The following C12orf56 variants were observed in gnomAD, a reference collection of about 807,000 sequenced individuals.
C12orf56 encodes uncharacterized protein C12orf56.
Under a neutral mutation model 69.9 loss-of-function variants are expected in C12orf56, and 71 were observed. The ratio of observed to expected loss-of-function variants is 1.02; its 90% CI spans 0.84 to 1.24. The LOEUF is 1.24. Among genes scored for constraint, C12orf56 ranks in the 50% most tolerant of loss-of-function variants. C12orf56 has a pLI of 0.00. For missense variants in C12orf56, 732 were observed against 738.5 expected (o/e 0.99, Z 0.10); for synonymous variants, 276 against 274.1 (o/e 1.01, Z -0.07).
intron 2 of C12orf56, among the ~76,000 whole-genome samples, chr12:64,348,364 A>C (rs1010513777): frequency 6.6e-6 from 1 of 152,214 alleles, no homozygotes; most frequent in Non-Finnish European, 1.5e-5. Context: ...CTCTTAAGGC[A>C]CTAATCTGCT....
At chr12:64,376,278 G>C (rs796115399) in intron 1 of C12orf56, among the ~76,000 whole-genome samples, 18 of 152,290 alleles carry the variant, frequency 1.2e-4, no homozygotes, top group African/African-American at 4.3e-4. Flanking sequence ...CAGGGAAAAT[G>C]CTTCCACAAC....
At chr12:64,308,826 G>C (rs1380919775) in intron 5 of C12orf56, among the ~76,000 whole-genome samples, 1 of 144,352 alleles carries the variant, frequency 6.9e-6, no homozygotes, top group Non-Finnish European at 1.5e-5. Context: ...TTGGGCAACA[G>C]AGCAAGACTC....
At chr12:64,347,835 G>A (rs1354427018) in intron 2 of C12orf56, among the ~76,000 whole-genome samples, 3 of 152,176 alleles carry the variant, frequency 2.0e-5, no homozygotes, top group African/African-American at 7.2e-5. Flanking sequence ...AAATGCAGAT[G>A]TCATCAAAAT....
chr12:64,308,921 AAAGAAAGAAAGAAAGAAAG>A (rs2038557880), intron 5 of C12orf56, among the ~76,000 whole-genome samples: 6 of 63,158 alleles, frequency 9.5e-5, no homozygotes, highest in East Asian at 5.8e-4. Context: ...AGAAAGAAAG[AAAGAAAGAAAGAAAGAAAG>A]AAGAAAGAAA....
chr12:64,385,314 CAT>C (rs778113443), intron 1 of C12orf56, among the ~76,000 whole-genome samples: 16 of 152,192 alleles, frequency 1.1e-4, no homozygotes, highest in Non-Finnish European at 1.9e-4. Flanking sequence ...TCAAAACAAA[CAT>C]GTGTAGACTC....
chr12:64,375,794 CATCTT>C (rs1157655795), intron 1 of C12orf56, among the ~76,000 whole-genome samples: 2 of 152,098 alleles, frequency 1.3e-5, no homozygotes, highest in Non-Finnish European at 1.5e-5. Context: ...TCTAAAGTGT[CATCTT>C]CTCTTATTTT....
In C12orf56 at chr12:64,265,605, C is replaced by G. The variant is rs2037913732; in HGVS notation, c.*1578G>C. On this transcript the variant is annotated 3_prime_UTR_variant, in exon 13 of 13. Coordinates refer to ENST00000543942, the MANE Select transcript of C12orf56 (RefSeq NM_001170633.2). ...TGGCCTGGAAAGGGGGCCTGACTTG[C>G]TTGAAGTCAAATAGCTGGTCATTTG... 1 of 152,208 alleles carries G rather than the reference C, an allele frequency of 6.6e-6. No homozygotes were observed. 9.4% of individuals were successfully genotyped at this position (152,208 alleles called of 1,614,324 possible). A position where few individuals can be genotyped will look rare whatever the true frequency, so the allele number is the denominator to read the frequency against.
chr12:64,378,734 C>T (rs2039673674), intron 1 of C12orf56, among the ~76,000 whole-genome samples: 1 of 152,048 alleles, frequency 6.6e-6, no homozygotes, highest in South Asian at 2.1e-4. Flanking sequence ...CACACCCAGC[C>T]CATATATTGG....
chr12:64,390,701 G>T lies in C12orf56; in HGVS notation c.-136C>A. ...CTCCTCTCCAGGCGCGGGGACCCGG[G>T]CCGCAACTGCAGGAATCGACGCTAG... On this transcript the variant is annotated 5_prime_UTR_variant, in exon 1 of 13. Coordinates refer to ENST00000543942, the MANE Select transcript of C12orf56 (RefSeq NM_001170633.2). The T allele has an allele frequency of 8.0e-7, 1 of 1,254,776 alleles. No individual in the cohort carries two copies. The highest frequency in any genetic ancestry group is 1.0e-6 in the Non-Finnish European group (1 of 967,860). The allele number at this position is 1,254,776 out of a possible 1,614,324, so 77.7% of individuals were successfully genotyped here. A position where few individuals can be genotyped will look rare whatever the true frequency, so the allele number is the denominator to read the frequency against.
At chr12:64,308,980 G>GAGAAAGAAAGA (rs2038569996) in intron 5 of C12orf56, among the ~76,000 whole-genome samples, 76 of 121,688 alleles carry the variant, frequency 6.2e-4, no homozygotes, top group African/African-American at 1.9e-3. Flanking sequence ...AGAAAAGAAA[G>GAGAAAGAAAGA]AAAGAAAAGA....
intron 1 of C12orf56, among the ~76,000 whole-genome samples, chr12:64,376,765 T>A (rs745640160): frequency 2.0e-5 from 3 of 152,222 alleles, no homozygotes; most frequent in Non-Finnish European, 2.9e-5. Flanking sequence ...TCCAGCTCCA[T>A]CCATGTCTCT....
chr12:64,375,700 T>G (rs550742690), intron 1 of C12orf56, among the ~76,000 whole-genome samples: 2 of 152,336 alleles, frequency 1.3e-5, no homozygotes, highest in Non-Finnish European at 2.9e-5. Context: ...CTATGGTCAT[T>G]CAGCATCTGA....
intron 6 of C12orf56, among the ~76,000 whole-genome samples, chr12:64,297,853 C>T (rs1361735478): frequency 6.6e-6 from 1 of 152,178 alleles, no homozygotes; most frequent in African/African-American, 2.4e-5. Context: ...CATACATGTG[C>T]ATGTGTCTTT....
chr12:64,356,670 G>T (rs2039322184), intron 1 of C12orf56, among the ~76,000 whole-genome samples: 1 of 152,204 alleles, frequency 6.6e-6, no homozygotes, highest in Non-Finnish European at 1.5e-5. Flanking sequence ...GGTCAAAGCA[G>T]GTGACCAGGG....
At chr12:64,294,127 A>G (rs1283524946) in intron 6 of C12orf56, among the ~76,000 whole-genome samples, 1 of 152,198 alleles carries the variant, frequency 6.6e-6, no homozygotes, top group East Asian at 1.9e-4. Flanking sequence ...CAAAAGTACA[A>G]TGAGATATTA....
intron 1 of C12orf56, among the ~76,000 whole-genome samples, chr12:64,363,757 A>T (rs903564606): frequency 6.6e-6 from 1 of 152,174 alleles, no homozygotes; most frequent in Admixed American, 6.5e-5. Context: ...ACAGATCATG[A>T]TGCGGTCGTC....
chr12:64,338,760 T>C (rs2039031647), intron 2 of C12orf56: 1 of 1,435,392 alleles, frequency 7.0e-7, no homozygotes, highest in African/African-American at 1.4e-5. Context: ...ATATGCTTTA[T>C]CTGCTTTTGC....
At chr12:64,359,328 C>G (rs1199086805) in intron 1 of C12orf56, among the ~76,000 whole-genome samples, 2 of 152,158 alleles carry the variant, frequency 1.3e-5, no homozygotes, top group Admixed American at 1.3e-4. Context: ...TTCAGATCTT[C>G]CTTTCCTTAC....
At chr12:64,310,177 T>A (rs1307029871) in intron 5 of C12orf56, among the ~76,000 whole-genome samples, 2 of 151,942 alleles carry the variant, frequency 1.3e-5, no homozygotes, top group Admixed American at 6.6e-5. Context: ...CTGGCATTTT[T>A]AAATTTTTTT....
Sources: gnomAD v4.1 joint callset for allele counts (sites outside exome capture counted in the v4.1 genomes callset) on GRCh38, gnomAD v4.1.1 for gene constraint, MANE v1.5 for transcripts, NCBI Gene and HGNC (gene_info 2026-07-23, HGNC 2026-07-21) for gene names.